Variants in PIGR observed in about 807,000 individuals in gnomAD.
PIGR encodes polymeric immunoglobulin receptor, also known as hepatocellular carcinoma associated protein TB6.
In PIGR, 22 loss-of-function variants were observed where a neutral mutation model predicts 69.5. The ratio of observed to expected loss-of-function variants is 0.32; its 90% CI spans 0.23 to 0.45. The LOEUF is 0.45. PIGR is among the 20% of genes least tolerant of loss of function. The pLI is 1.00. For synonymous variants in PIGR, 413 were observed against 407.6 expected (o/e 1.01, Z -0.16); for missense variants, 885 against 974.0 (o/e 0.91, Z 1.22).
chr1:206,936,431 G>C (rs950429716), intron 4 of PIGR, among the ~76,000 whole-genome samples: 1 of 151,760 alleles, frequency 6.6e-6, no homozygotes, highest in African/African-American at 2.4e-5. Flanking sequence ...GAGAATATAA[G>C]CCCCTTTAAA....
At chr1:206,931,261 T>G in intron 10 of PIGR, 1 of 985,426 alleles carries the variant, frequency 1.0e-6, no homozygotes, top group Non-Finnish European at 1.2e-6. Flanking sequence ...TCCTGCAGTT[T>G]TACAGCCTAA....
Position 206,939,460 on chromosome 1 carries a change from A to C in PIGR, c.47T>G (p.Ile16Ser). ...ACCAAATATGGGACTCTTCGTGGAG[A>C]TGGCTGTGGGAACAGAAGAGAGAGG... ...LTCLLAVFPA[I>S]STKSPIFGPE... The change falls in exon 3 of 11, where the codon ATC (isoleucine) becomes AGC (serine). Residue 16 changes from isoleucine to serine, a missense_variant. Physicochemically the swap from Ile to Ser is moderately radical, Grantham distance 142. Coordinates refer to ENST00000356495, the MANE Select transcript of PIGR (RefSeq NM_002644.4). 6.3e-7 allele frequency: 1 copy of C among 1,592,644 alleles called. No individual in the cohort carries two copies. Among genetic ancestry groups the C allele is most frequent in the Non-Finnish European group, 8.6e-7 (1 of 1,164,530 alleles).
chr1:206,934,716 A>G lies in PIGR; in HGVS notation c.1409T>C (p.Val470Ala). Residue 470 changes from valine to alanine, a missense_variant, in exon 6 of 11, where the codon GTC (valine) becomes GCC (alanine). By Grantham distance (64) the Val-to-Ala change is moderately conservative. Transcript: ENST00000356495. The stretch of plus-strand genomic sequence containing the variant: ...GAGAGTCTCTCCCAGCACAGCCGTG[A>G]CATTCCCTGGTACCTTGAGGTTTGG... ...GEPNLKVPGN[V>A]TAVLGETLKV... 1.9e-6 allele frequency: 3 copies of G among 1,609,700 alleles called. No individual in the cohort carries two copies. The highest frequency in any genetic ancestry group is 2.5e-6 in the Non-Finnish European group (3 of 1,179,952).
In PIGR at chr1:206,935,832, C is replaced by T. The variant is rs368224454; in HGVS notation, c.1046-14G>A. 3.2e-6 allele frequency: 5 copies of T among 1,575,860 alleles called. No homozygotes were observed. In the African/African-American group the frequency reaches 4.0e-5, roughly 13 times the overall value. ...GAATCGTGGACTCTGGAAGCACAGA[C>T]AGAGATGGGATGGGAGGATGGCCAC... is the stretch of plus-strand genomic sequence containing the variant. On this transcript the variant is annotated splice_polypyrimidine_tract_variant and intron_variant, in intron 4 of 10. Transcript: ENST00000356495. The surrounding 1 kb of genome is among the most constrained non-coding windows in gnomAD (Gnocchi z 4.4).
Position 206,929,401 on chromosome 1 carries a change from G to A in PIGR, c.*917C>T, listed in dbSNP as rs1224114795. On this transcript the variant is annotated 3_prime_UTR_variant, in exon 11 of 11. Transcript: ENST00000356495. ...TCTCTACTAAAAATACAAAAAATTA[G>A]CCAGGCGTGCTGGCAGGCGCCTGTA... 1 of 152,090 alleles carries A rather than the reference G, an allele frequency of 6.6e-6. No homozygotes were observed. The highest frequency in any genetic ancestry group is 1.5e-5 in the Non-Finnish European group (1 of 68,028). 9.4% of individuals were successfully genotyped at this position (152,090 alleles called of 1,614,324 possible). A position where few individuals can be genotyped will look rare whatever the true frequency, so the allele number is the denominator to read the frequency against.
At chr1:206,941,603 G>A (rs1263150687) in intron 1 of PIGR, among the ~76,000 whole-genome samples, 1 of 152,220 alleles carries the variant, frequency 6.6e-6, no homozygotes, top group African/African-American at 2.4e-5. Flanking sequence ...TAAAAGCTTA[G>A]GTGTTAGGGT....
Position 206,937,483 on chromosome 1 carries a change from G to A in PIGR, c.657C>T (p.Leu219=), listed in dbSNP as rs1679888617. Residue 219 remains leucine, a synonymous_variant, in exon 4 of 11, where the codon CTC becomes CTT. Coordinates refer to ENST00000356495, the MANE Select transcript of PIGR (RefSeq NM_002644.4). ...TATTGGAATCATCCCCAGCCTGGCA[G>A]AGATACTGCCCAGCATCGCTGAGCC... is the stretch of plus-strand genomic sequence containing the variant. ...QLRLSDAGQY[L]CQAGDDSNSN... is the part of the protein sequence containing the mutation. 6 of 1,614,224 alleles carry A rather than the reference G, an allele frequency of 3.7e-6. No homozygotes were observed. Among genetic ancestry groups the A allele is most frequent in the Non-Finnish European group, 5.1e-6 (6 of 1,180,048 alleles).
At position 206,935,518 on chromosome 1, in the gene PIGR, C is replaced by A. The variant is rs756750038; in HGVS notation, c.1346G>T (p.Trp449Leu). The A allele has an allele frequency of 6.2e-7, 1 of 1,613,930 alleles. No homozygotes were observed. Among genetic ancestry groups the A allele is most frequent in the African/African-American group, 1.3e-5 (1 of 74,918 alleles). Residue 449 changes from tryptophan to leucine, a missense_variant, in exon 5 of 11, where the codon TGG becomes TTG. By Grantham distance (61) the Trp-to-Leu change is moderately conservative. Transcript: ENST00000356495. This position sits in a 1 kb window ranked among gnomAD's most constrained non-coding sequence, Gnocchi z 4.4. The stretch of plus-strand genomic sequence containing the variant: ...AATCTTGATCTCCACGGTGGTCCTC[C>A]AGAGAGTATCGCCGTTGGTCAGACA... ...YWCLTNGDTL[W>L]RTTVEIKIIE...
Position 206,930,697 on chromosome 1 carries a change from C to T in PIGR, c.2200-284G>A, listed in dbSNP as rs554762715. 2.0e-6 allele frequency: 2 copies of T among 985,388 alleles called. No homozygotes were observed. The highest frequency in any genetic ancestry group is 2.3e-4 in the East Asian group (2 of 8,810). The allele number at this position is 985,388 out of a possible 1,614,324, so 61.0% of individuals were successfully genotyped here. A position where few individuals can be genotyped will look rare whatever the true frequency, so the allele number is the denominator to read the frequency against. ...CCCGGGCCTGTCCCCGGAAGCTGCC[C>T]ACACAGTCCACGGGCAAGGTGGCCT... On this transcript the variant is annotated intron_variant, in intron 10 of 10. Coordinates refer to ENST00000356495, the MANE Select transcript of PIGR (RefSeq NM_002644.4). The surrounding 1 kb of genome is among the most constrained non-coding windows in gnomAD (Gnocchi z 4.3).
chr1:206,934,897 C>T (rs1572643761), intron 5 of PIGR, 151 bp from the exon 6 acceptor site: 3 of 526,624 alleles, frequency 5.7e-6, no homozygotes, highest in Non-Finnish European at 9.6e-6. Context: ...CTCTCTCTGT[C>T]ACCCAGGCTG....
chr1:206,935,109 T>C lies in PIGR; in HGVS notation c.1379-363A>G, dbSNP rs1572643858. ...TAATTGTGTGCCTAGGTAATAATTA[T>C]TATTGATGAGCACCATGATCAATCC... On this transcript the variant is annotated intron_variant, in intron 5 of 10. Transcript: ENST00000356495. This position sits in a 1 kb window ranked among gnomAD's most constrained non-coding sequence, Gnocchi z 4.4. 6.6e-6 allele frequency among the ~76,000 whole-genome samples: 1 copy of C among 152,330 alleles called. No homozygotes were observed. The highest frequency in any genetic ancestry group is 1.9e-4 in the East Asian group (1 of 5,186).
intron 7 of PIGR, 120 bp downstream of exon 7, chr1:206,932,866 G>T: frequency 2.0e-6 from 2 of 1,019,306 alleles, no homozygotes; most frequent in Non-Finnish European, 2.9e-6. Context: ...AGCAGAGGTA[G>T]TAAGGGCTGC....
Position 206,937,518 on chromosome 1 carries a change from T to A in PIGR, c.622A>T (p.Asn208Tyr). ...TGQLLFSVVI[N>Y]QLRLSDAGQY... is the part of the protein sequence containing the mutation. ...CCAGCATCGCTGAGCCTGAGTTGGT[T>A]GATGACAACGCTGAACAGTAACTGG... The change falls in exon 4 of 11, where the codon AAC becomes TAC. Residue 208 changes from asparagine to tyrosine, a missense_variant. Coordinates refer to ENST00000356495, the MANE Select transcript of PIGR (RefSeq NM_002644.4). The A allele has an allele frequency of 6.2e-7, 1 of 1,614,238 alleles. No individual in the cohort carries two copies. The highest frequency in any genetic ancestry group is 8.5e-7 in the Non-Finnish European group (1 of 1,180,044).
chr1:206,944,796 A>G (rs1023592802), intron 1 of PIGR, among the ~76,000 whole-genome samples: 1 of 152,092 alleles, frequency 6.6e-6, no homozygotes, highest in Non-Finnish European at 1.5e-5. Flanking sequence ...GTGACATCAA[A>G]ATGTCCTCAT....
At chr1:206,931,290 T>A in intron 10 of PIGR, 1 of 1,450,584 alleles carries the variant, frequency 6.9e-7, no homozygotes, top group Non-Finnish European at 9.0e-7. Flanking sequence ...CTCACCTCCT[T>A]CCTGGGCCTT....
intron 7 of PIGR, 50 bp from the exon 8 acceptor site, chr1:206,932,627 C>T: frequency 6.4e-7 from 1 of 1,557,882 alleles, no homozygotes; most frequent in Non-Finnish European, 8.7e-7. Context: ...ATCTGGGGGC[C>T]CGACGATGTG....
chr1:206,931,926 G>T, intron 8 of PIGR, 124 bp from the exon 9 acceptor site: 3 of 1,028,612 alleles, frequency 2.9e-6, no homozygotes, highest in Non-Finnish European at 4.5e-6. Context: ...GTGCAGCTCT[G>T]ACTATGACCC....
In PIGR at chr1:206,932,266, T is replaced by C. The variant is rs113282765; in HGVS notation, c.2008+190A>G. On this transcript the variant is annotated intron_variant, in intron 8 of 10. Transcript: ENST00000356495. Reference sequence around the variant, plus strand: ...ATTGGAGATGATTTTCCAGTGTTAGTATTTGGACAGCAGCTCTGAATTTCA... The same window carrying C: ...ATTGGAGATGATTTTCCAGTGTTAGCATTTGGACAGCAGCTCTGAATTTCA... Among the ~76,000 whole-genome samples the C allele has an allele frequency of 7.0e-3, 1,061 of 152,280 alleles. 15 individuals carry two copies. Among genetic ancestry groups the C allele is most frequent in the African/African-American group, 0.025 (1,022 of 41,542 alleles).
At chr1:206,939,643 T>G (rs960220986) in intron 2 of PIGR, among the ~76,000 whole-genome samples, 180 bp from the exon 3 acceptor site, 7 of 152,356 alleles carry the variant, frequency 4.6e-5, no homozygotes, top group Middle Eastern at 6.8e-3. Context: ...TAATCATGAT[T>G]AAATTGGAAT....
Sources: gnomAD v4.1 joint callset for allele counts (sites outside exome capture counted in the v4.1 genomes callset) on GRCh38, gnomAD v4.1.1 for gene constraint, Gnocchi (gnomAD v3.1) non-coding constraint, MANE v1.5 for transcripts, NCBI Gene and HGNC (gene_info 2026-07-23, HGNC 2026-07-21) for gene names.